The following XRN1 variants were observed in gnomAD, a reference collection of about 807,000 sequenced individuals.
The protein encoded by XRN1 is strand-exchange protein 1 homolog.
Under a neutral mutation model 222.3 loss-of-function variants are expected in XRN1, and 67 were observed. The observed-to-expected ratio is 0.30, with a 90% CI of 0.25 to 0.37. The LOEUF (loss-of-function observed/expected upper bound fraction) is 0.37, where lower values mean the gene tolerates loss of function less well. Among genes scored for constraint, XRN1 ranks in the 10% least tolerant of loss-of-function variants. The pLI is 1.00. For missense variants in XRN1, 1,707 were observed against 2,000.2 expected (o/e 0.85, Z 2.80); for synonymous variants, 643 against 652.4 (o/e 0.99, Z 0.22).
rs2065627290 is a variant in XRN1 at position 142,329,459 on chromosome 3, T to G, written c.4379A>C (p.Asp1460Ala). The part of the protein sequence containing the change: ...ICSLVGMPQP[D>A]FSFLRMPQTM... ...CTGTGGCATCCTAAGAAAGGAGAAA[T>G]CAGGTTGTGGCATTCCAACAAGGGA... Residue 1460 changes from aspartate to alanine, a missense_variant, in exon 37 of 41, where the codon GAT (aspartate) becomes GCT (alanine). Physicochemically the swap from Asp to Ala is moderately radical, Grantham distance 126 (BLOSUM62 -2). Transcript: ENST00000392981. The G allele has an allele frequency of 1.9e-6, 3 of 1,581,124 alleles. No homozygotes were observed. The highest frequency in any genetic ancestry group is 2.6e-6 in the Non-Finnish European group (3 of 1,168,700).
intron 20 of XRN1, among the ~76,000 whole-genome samples, chr3:142,392,325 CTTTT>C (rs58724846): frequency 1.7e-4 from 25 of 143,288 alleles, no homozygotes; most frequent in African/African-American, 2.3e-4. Context: ...CCAGCAATTT[CTTTT>C]TTTTTTTTTT....
intron 15 of XRN1, among the ~76,000 whole-genome samples, chr3:142,411,127 T>G (rs1429913937): frequency 6.6e-6 from 1 of 152,224 alleles, no homozygotes; most frequent in African/African-American, 2.4e-5. Context: ...GACATAAAGT[T>G]TGACCATAAC....
chr3:142,347,586 T>C (rs1436489168), intron 32 of XRN1, among the ~76,000 whole-genome samples: 4 of 152,086 alleles, frequency 2.6e-5, no homozygotes, highest in African/African-American at 4.8e-5. Context: ...AAACAATCAT[T>C]TTATAAAAAT....
intron 1 of XRN1, among the ~76,000 whole-genome samples, chr3:142,436,976 CT>C (rs2069941845): frequency 6.6e-6 from 1 of 151,846 alleles, no homozygotes; most frequent in Non-Finnish European, 1.5e-5. Context: ...CATATATTAC[CT>C]TTATAATCTA....
In XRN1 at chr3:142,318,699, G is replaced by C. The variant is rs1435144639; in HGVS notation, c.4519-5C>G. ...GAAATTCATGCCTAAGGAGCCCTGT[G>C]GAAGTATTTAAAAGTTACAAGACAA... On this transcript the variant is annotated splice_polypyrimidine_tract_variant and splice_region_variant and intron_variant, in intron 38 of 40. Coordinates refer to ENST00000392981, the MANE Select transcript of XRN1 (RefSeq NM_001282857.2). The C allele has an allele frequency of 1.9e-6, 3 of 1,609,716 alleles. No homozygotes were observed. Among genetic ancestry groups the C allele is most frequent in the Non-Finnish European group, 1.7e-6 (2 of 1,177,840 alleles).
chr3:142,438,242 G>A (rs958376656), intron 1 of XRN1, among the ~76,000 whole-genome samples: 1 of 152,126 alleles, frequency 6.6e-6, no homozygotes, highest in Non-Finnish European at 1.5e-5. Flanking sequence ...ATTGGGGAGC[G>A]TAACTAATCC....
At chr3:142,351,044 T>C (rs1577269107) in intron 32 of XRN1, among the ~76,000 whole-genome samples, 1 of 152,192 alleles carries the variant, frequency 6.6e-6, no homozygotes, top group African/African-American at 2.4e-5. Context: ...TTTGTAGGTA[T>C]ATATGTTTGT....
chr3:142,434,666 G>A (rs1176011594), intron 1 of XRN1, among the ~76,000 whole-genome samples: 1 of 152,036 alleles, frequency 6.6e-6, no homozygotes, highest in African/African-American at 2.4e-5. Context: ...ACTGAAGTGA[G>A]AGAATCTTTG....
At chr3:142,412,058 T>G (rs1380134659) in intron 15 of XRN1, among the ~76,000 whole-genome samples, 1 of 151,998 alleles carries the variant, frequency 6.6e-6, no homozygotes, top group Non-Finnish European at 1.5e-5. Context: ...TCTCCTGACC[T>G]TGTGATCTGC....
chr3:142,426,713 T>C (rs766756227), intron 3 of XRN1, 31 bp downstream of exon 3: 1 of 1,568,952 alleles, frequency 6.4e-7, no homozygotes, highest in South Asian at 1.2e-5. Flanking sequence ...ATATTTCAAT[T>C]CTGTCATAAT....
chr3:142,426,753 T>C lies in XRN1; in HGVS notation c.397A>G (p.Ile133Val). 1 of 1,613,220 alleles carries C rather than the reference T, an allele frequency of 6.2e-7. No homozygotes were observed. Among genetic ancestry groups the C allele is most frequent in the Non-Finnish European group, 8.5e-7 (1 of 1,179,648 alleles). ...CTCTCAGTGAATTTACCTGGTGTGA[T>C]ACAGTTGGAATCAAATCTGGCCTCT... ...PTEARFDSNC[I>V]TPGTEFMARL... is the part of the protein sequence containing the mutation. Residue 133 changes from isoleucine (I) to valine (V), a missense_variant, in exon 3 of 41, where the codon ATC (isoleucine) becomes GTC (valine). Around this residue, in one of 2 missense-constraint regions of XRN1, gnomAD observed 1,234 missense variants for 1,518.2 expected, o/e 0.81. Transcript: ENST00000392981.
At chr3:142,442,733 T>C (rs988553639) in intron 1 of XRN1, among the ~76,000 whole-genome samples, 1 of 152,050 alleles carries the variant, frequency 6.6e-6, no homozygotes, top group Non-Finnish European at 1.5e-5. Context: ...CTGTATCTTT[T>C]TATTTTTATT....
rs770406133 is a variant in XRN1 at position 142,383,283 on chromosome 3, C to A, written c.2616+17G>T. The A allele has an allele frequency of 1.0e-5, 16 of 1,582,320 alleles. No homozygotes were observed. In the South Asian group the frequency reaches 1.7e-4, roughly 17 times the overall value. On this transcript the variant is annotated intron_variant, in intron 22 of 40. Coordinates refer to ENST00000392981, the MANE Select transcript of XRN1 (RefSeq NM_001282857.2). ...AAACTAGAGAAAAATGTATCAGTAA[C>A]AATAATGGAAACTAACTTCTCCAGT...
chr3:142,414,902 A>G (rs2068726617), intron 13 of XRN1, among the ~76,000 whole-genome samples: 1 of 152,216 alleles, frequency 6.6e-6, no homozygotes, highest in Non-Finnish European at 1.5e-5. Flanking sequence ...CAAAATGTTG[A>G]TAGTGAATCT....
At position 142,357,014 on chromosome 3, in the gene XRN1, T is replaced by G. The variant is rs761855235; in HGVS notation, c.3570A>C (p.Lys1190Asn). Reference sequence around the variant, plus strand: ...TATGTTGATGTACAGCTGGTTGTGGTTTTACGATGGCTGTCAACTTCTGAT... The same window carrying G: ...TATGTTGATGTACAGCTGGTTGTGGGTTTACGATGGCTGTCAACTTCTGAT... ...TGNQKLTAIVKPQPAVHQHSS... is the reference protein window; with the variant it reads ...TGNQKLTAIVNPQPAVHQHSS... Residue 1190 changes from lysine to asparagine, a missense_variant, in exon 31 of 41, where the codon AAA (lysine) becomes AAC (asparagine). Physicochemically the swap from Lys to Asn is moderately conservative, Grantham distance 94 (BLOSUM62 0). This residue lies in a region of XRN1 where 1,234 missense variants were observed against 1,518.2 expected (regional missense o/e 0.81). Coordinates refer to ENST00000392981, the MANE Select transcript of XRN1 (RefSeq NM_001282857.2). 6.2e-7 allele frequency: 1 copy of G among 1,613,968 alleles called. No homozygotes were observed. The highest frequency in any genetic ancestry group is 8.5e-7 in the Non-Finnish European group (1 of 1,179,966).
chr3:142,435,762 C>CCAA (rs1553745682), intron 1 of XRN1, among the ~76,000 whole-genome samples: 131 of 58,516 alleles, frequency 2.2e-3, no homozygotes, highest in African/African-American at 8.5e-3. Flanking sequence ...CCCCACCCCC[C>CCAA]AAAAAAAAAA....
Position 142,399,578 on chromosome 3 carries a change from A to G in XRN1, c.2207+866T>C, listed in dbSNP as rs117661708. ...TGACACCAAAAGCATAAAAAAATTAATAAATTGGACTTCATCAGAAAGGTA... is the reference window on the plus strand; with the variant it reads ...TGACACCAAAAGCATAAAAAAATTAGTAAATTGGACTTCATCAGAAAGGTA... On this transcript the variant is annotated intron_variant, in intron 19 of 40. Coordinates refer to ENST00000392981, the MANE Select transcript of XRN1 (RefSeq NM_001282857.2). Among the ~76,000 whole-genome samples the G allele has an allele frequency of 9.5e-4, 145 of 152,256 alleles. 2 individuals are homozygous for G. The East Asian group carries it at 0.026, about 28-fold the overall frequency.
chr3:142,357,852 A>C (rs1037245954), intron 30 of XRN1, among the ~76,000 whole-genome samples: 56 of 152,260 alleles, frequency 3.7e-4, no homozygotes, highest in African/African-American at 1.3e-3. Flanking sequence ...CCTGGCAAAC[A>C]TGTTGAAACT....
In XRN1 at chr3:142,391,759, T is replaced by A. The variant is rs1328067001; in HGVS notation, c.2339+5570A>T. Reference sequence around the variant, plus strand: ...ACTAAAAAAAAAAAAAATATATATATATATATATATATATATGAATGAAAT... The same window carrying A: ...ACTAAAAAAAAAAAAAATATATATAAATATATATATATATATGAATGAAAT... On this transcript the variant is annotated intron_variant, in intron 20 of 40. Transcript: ENST00000392981. Among the ~76,000 whole-genome samples the A allele has an allele frequency of 3.4e-5, 5 of 147,054 alleles. No homozygotes were observed. In the South Asian group the frequency reaches 8.5e-4, roughly 25 times the overall value.
Sources: gnomAD v4.1 joint callset for allele counts (sites outside exome capture counted in the v4.1 genomes callset) on GRCh38, gnomAD v4.1.1 for gene constraint, gnomAD v4.1.1 regional missense constraint, MANE v1.5 for transcripts, NCBI Gene and HGNC (gene_info 2026-07-23, HGNC 2026-07-21) for gene names.